SPATA17: variants seen among roughly 807,000 people sequenced by gnomAD.
The protein encoded by SPATA17 is spermatogenesis-associated protein 17.
In SPATA17, 53 loss-of-function variants were observed where a neutral mutation model predicts 62.2. That is an observed-to-expected ratio of 0.85 (90% CI 0.68 to 1.07). The LOEUF is 1.07. Among genes scored for constraint, SPATA17 ranks in the 50% least tolerant of loss-of-function variants. The pLI is 0.00. For synonymous variants in SPATA17, 146 were observed against 146.8 expected, an observed-to-expected ratio of 0.99 and a Z score of 0.04; for missense variants, 466 against 425.5, an observed-to-expected ratio of 1.10 and a Z score of -0.84.
chr1:217,720,017 C>G (rs1033925352), intron 5 of SPATA17, among the ~76,000 whole-genome samples: 7 of 152,156 alleles, frequency 4.6e-5, no homozygotes, highest in African/African-American at 1.7e-4. Context: ...AGCTGTTAGG[C>G]ACTACTGGTT....
chr1:217,749,139 C>A (rs1380929995), intron 6 of SPATA17, among the ~76,000 whole-genome samples: 1 of 152,088 alleles, frequency 6.6e-6, no homozygotes, highest in Non-Finnish European at 1.5e-5. Context: ...TAGGGAAACT[C>A]GAGTAATGTT....
chr1:217,770,978 ATTTTTTTT>A lies in SPATA17; in HGVS notation c.520-3333_520-3326del, dbSNP rs374042087. On this transcript the variant is annotated intron_variant, in intron 6 of 10. Transcript: ENST00000366933. Reference sequence around the variant, plus strand: ...ATGTATCTATTATATAACTCATTGCATTTTTTTTTTTTTTTTTTTTTTTTTTTTTTGCC... The same window carrying A: ...ATGTATCTATTATATAACTCATTGCATTTTTTTTTTTTTTTTTTTTTTGCC... 1.8e-3 allele frequency among the ~76,000 whole-genome samples: 92 copies of A among 50,160 alleles called. 2 individuals are homozygous for A. Among genetic ancestry groups the A allele is most frequent in the African/African-American group, 2.9e-3 (33 of 11,570 alleles). The allele number at this position is 50,160 out of a possible 152,430, so 32.9% of individuals were successfully genotyped here.
chr1:217,656,573 TG>T (rs1670448810), intron 3 of SPATA17, among the ~76,000 whole-genome samples: 2 of 151,968 alleles, frequency 1.3e-5, no homozygotes, highest in African/African-American at 4.8e-5. Flanking sequence ...TATGTATGTA[TG>T]TATGTATTTA....
At chr1:217,846,129 T>G (rs1284431683) in intron 9 of SPATA17, among the ~76,000 whole-genome samples, 1 of 152,074 alleles carries the variant, frequency 6.6e-6, no homozygotes, top group Non-Finnish European at 1.5e-5. Context: ...CAAAACTAAT[T>G]GAAATACTTT....
intron 9 of SPATA17, among the ~76,000 whole-genome samples, chr1:217,848,522 T>C (rs1395192296): frequency 6.6e-6 from 1 of 152,188 alleles, no homozygotes; most frequent in Non-Finnish European, 1.5e-5. Context: ...TTATATTCCC[T>C]GGAGTTATTA....
rs189243625 is a variant in SPATA17, at chr1:217,641,010, A to G, written c.69-7872A>G. The stretch of plus-strand genomic sequence containing the variant: ...AACATTTTATATTGAGCATCGGTTA[A>G]TCAGGTACTTATTTGTGAAATAAAC... On this transcript the variant is annotated intron_variant, in intron 1 of 10. Coordinates refer to ENST00000366933, the MANE Select transcript of SPATA17 (RefSeq NM_138796.4). 4.6e-5 allele frequency among the ~76,000 whole-genome samples: 7 copies of G among 152,206 alleles called. No homozygotes were observed. The East Asian group carries it at 1.4e-3, about 29-fold the overall frequency.
At position 217,871,358 on chromosome 1, in the gene SPATA17, T is replaced by G. The variant is rs781071801; in HGVS notation, c.*4339T>G. On this transcript the variant is annotated 3_prime_UTR_variant, in exon 11 of 11. Transcript: ENST00000366933. ...CACGGTATCCATTTTCTGTGCTAAATTCATCTTTAATTTATTATTTTTTTT... is the reference window on the plus strand; with the variant it reads ...CACGGTATCCATTTTCTGTGCTAAAGTCATCTTTAATTTATTATTTTTTTT... 1.1e-4 allele frequency: 17 copies of G among 152,128 alleles called. No individual in the cohort carries two copies. The highest frequency in any genetic ancestry group is 1.8e-4 in the Non-Finnish European group (12 of 68,030). 9.4% of individuals were successfully genotyped at this position (152,128 alleles called of 1,614,324 possible).
chr1:217,682,742 A>G (rs1005791846), intron 4 of SPATA17, among the ~76,000 whole-genome samples: 1 of 152,164 alleles, frequency 6.6e-6, no homozygotes, highest in Non-Finnish European at 1.5e-5. Flanking sequence ...TAAGAACTCA[A>G]TAAATGTTAG....
chr1:217,796,116 C>T (rs1263398360), intron 8 of SPATA17, among the ~76,000 whole-genome samples: 1 of 151,982 alleles, frequency 6.6e-6, no homozygotes, highest in Admixed American at 6.6e-5. Flanking sequence ...TATATAAGTC[C>T]GTAAAATATC....
At chr1:217,656,334 A>T (rs2102887598) in intron 3 of SPATA17, among the ~76,000 whole-genome samples, 1 of 152,358 alleles carries the variant, frequency 6.6e-6, no homozygotes. Flanking sequence ...GCCACCTAAG[A>T]ATATTTGTTT....
At chr1:217,680,896 G>T (rs559056612) in intron 4 of SPATA17, among the ~76,000 whole-genome samples, 324 of 123,198 alleles carry the variant, frequency 2.6e-3, no homozygotes, top group African/African-American at 9.3e-3. Context: ...CTGCACTCCA[G>T]ACTGGGTGAC....
intron 8 of SPATA17, among the ~76,000 whole-genome samples, chr1:217,794,697 G>A (rs535247662): frequency 1.3e-5 from 2 of 152,282 alleles, no homozygotes; most frequent in African/African-American, 4.8e-5. Context: ...TTAAAACTTG[G>A]ACTCTTTGGT....
At chr1:217,800,524 T>C (rs1191030318) in intron 8 of SPATA17, among the ~76,000 whole-genome samples, 1 of 152,180 alleles carries the variant, frequency 6.6e-6, no homozygotes. Flanking sequence ...GAATAGGCTC[T>C]TATGGATACA....
chr1:217,865,890 G>A (rs905861805), intron 10 of SPATA17, among the ~76,000 whole-genome samples: 3 of 152,102 alleles, frequency 2.0e-5, no homozygotes, highest in Non-Finnish European at 4.4e-5. Context: ...GATAAGATGA[G>A]TTTTAATTAA....
chr1:217,842,667 T>C (rs1169923639), intron 9 of SPATA17, among the ~76,000 whole-genome samples: 1 of 152,004 alleles, frequency 6.6e-6, no homozygotes, highest in Non-Finnish European at 1.5e-5. Flanking sequence ...ATGTTGCTAA[T>C]CAGTTTTGTT....
intron 5 of SPATA17, among the ~76,000 whole-genome samples, chr1:217,686,187 A>G (rs1671210919): frequency 6.6e-6 from 1 of 152,146 alleles, no homozygotes; most frequent in South Asian, 2.1e-4. Context: ...TGAATTAAGT[A>G]GATTTTTTGA....
chr1:217,709,616 A>G lies in SPATA17; in HGVS notation c.395+26255A>G, dbSNP rs114222525. On this transcript the variant is annotated intron_variant, in intron 5 of 10. Transcript: ENST00000366933. Reference sequence around the variant, plus strand: ...TCCCATCGCTTTTGCTATTCTGTTCATTTAAAGCAAGAAATTGGCCCCTCC... The same window carrying G: ...TCCCATCGCTTTTGCTATTCTGTTCGTTTAAAGCAAGAAATTGGCCCCTCC... 5.6e-3 allele frequency among the ~76,000 whole-genome samples: 851 copies of G among 152,314 alleles called. 9 individuals are homozygous for G. Among genetic ancestry groups the G allele is most frequent in the African/African-American group, 0.019 (780 of 41,570 alleles).
chr1:217,785,452 CAGAG>C (rs1033415870), intron 8 of SPATA17, among the ~76,000 whole-genome samples: 1 of 152,036 alleles, frequency 6.6e-6, no homozygotes, highest in African/African-American at 2.4e-5. Context: ...TGGCAGGAGA[CAGAG>C]AGCAAAGGGG....
At position 217,870,279 on chromosome 1, in the gene SPATA17, C is replaced by T. The variant is rs1353011584; in HGVS notation, c.*3260C>T. On this transcript the variant is annotated 3_prime_UTR_variant, in exon 11 of 11. Coordinates refer to ENST00000366933, the MANE Select transcript of SPATA17 (RefSeq NM_138796.4). ...AAGCATTTTATTGTTCAGAATATGACTTTGATCTTCTCATAAGACTCAAGT... is the reference window on the plus strand; with the variant it reads ...AAGCATTTTATTGTTCAGAATATGATTTTGATCTTCTCATAAGACTCAAGT... 6.6e-6 allele frequency: 1 copy of T among 152,102 alleles called. No individual in the cohort carries two copies. The highest frequency in any genetic ancestry group is 1.5e-5 in the Non-Finnish European group (1 of 68,004). The allele number at this position is 152,102 out of a possible 1,614,324, so 9.4% of individuals were successfully genotyped here. A position where few individuals can be genotyped will look rare whatever the true frequency, so the allele number is the denominator to read the frequency against.
Sources: allele counts gnomAD v4.1 joint callset (sites outside exome capture counted in the v4.1 genomes callset), GRCh38; gene constraint gnomAD v4.1.1; transcripts MANE v1.5; gene names NCBI Gene and HGNC (gene_info 2026-07-23, HGNC 2026-07-21).